SNTG1: variants seen among roughly 807,000 people sequenced by gnomAD.
The protein encoded by SNTG1 is gamma-1-syntrophin.
A neutral mutation model predicts 74.7 loss-of-function variants in SNTG1; 39 were observed. That is an observed-to-expected ratio of 0.52 (90% CI 0.40 to 0.68). The LOEUF (loss-of-function observed/expected upper bound fraction) is 0.68. SNTG1 is among the 30% of genes least tolerant of loss of function. The pLI, the probability that SNTG1 is intolerant of heterozygous loss-of-function variation, is 0.00. For synonymous variants in SNTG1, 254 were observed against 217.1 expected (o/e 1.17, Z -1.49); for missense variants, 685 against 609.5 (o/e 1.12, Z -1.30).
intron 1 of SNTG1, among the ~76,000 whole-genome samples, chr8:50,129,324 T>C (rs1330699008): frequency 1.3e-5 from 2 of 152,136 alleles, no homozygotes; most frequent in East Asian, 1.9e-4. Flanking sequence ...CAAGGCTTCA[T>C]AGCATCCAGA....
intron 13 of SNTG1, among the ~76,000 whole-genome samples, chr8:50,637,568 C>G (rs1371285360): frequency 6.6e-6 from 1 of 152,054 alleles, no homozygotes; most frequent in African/African-American, 2.4e-5. Flanking sequence ...AAATCTTCTT[C>G]CACTACAGTA....
intron 17 of SNTG1, among the ~76,000 whole-genome samples, chr8:50,728,693 T>C (rs550339999): frequency 1.3e-5 from 2 of 152,184 alleles, no homozygotes; most frequent in South Asian, 2.1e-4. Flanking sequence ...CATTTGTTAA[T>C]GCATTCTTTA....
At chr8:50,652,978 C>T (rs1385183001) in intron 13 of SNTG1, among the ~76,000 whole-genome samples, 1 of 151,808 alleles carries the variant, frequency 6.6e-6, no homozygotes, top group Non-Finnish European at 1.5e-5. Context: ...ACCAGTATTG[C>T]TAAATCAATT....
chr8:50,392,864 A>G (rs2092680600), intron 2 of SNTG1, among the ~76,000 whole-genome samples: 1 of 152,108 alleles, frequency 6.6e-6, no homozygotes, highest in African/African-American at 2.4e-5. Context: ...AGCATATGAA[A>G]CAAATATGAG....
chr8:50,173,045 C>G (rs557366560), intron 2 of SNTG1, among the ~76,000 whole-genome samples: 2 of 148,200 alleles, frequency 1.3e-5, no homozygotes, highest in East Asian at 3.9e-4. Flanking sequence ...CAGTGAGCTG[C>G]GATTTTCTGA....
At chr8:50,048,083 A>AT (rs1039443443) in intron 1 of SNTG1, among the ~76,000 whole-genome samples, 3 of 152,156 alleles carry the variant, frequency 2.0e-5, no homozygotes, top group Admixed American at 6.6e-5. Flanking sequence ...TTGTAAATAC[A>AT]TTTTTTGTGT....
At chr8:50,351,632 A>T (rs1034577891) in intron 2 of SNTG1, among the ~76,000 whole-genome samples, 3 of 152,228 alleles carry the variant, frequency 2.0e-5, no homozygotes, top group African/African-American at 7.2e-5. Flanking sequence ...ACTGAAGAGA[A>T]AATAGTAAAA....
At chr8:50,300,654 A>G (rs1015413955) in intron 2 of SNTG1, among the ~76,000 whole-genome samples, 1 of 152,138 alleles carries the variant, frequency 6.6e-6, no homozygotes, top group Non-Finnish European at 1.5e-5. Flanking sequence ...AAATTCTGAT[A>G]TAATTTTTAT....
intron 1 of SNTG1, among the ~76,000 whole-genome samples, chr8:50,158,315 C>T (rs1226430158): frequency 1.3e-5 from 2 of 152,064 alleles, no homozygotes; most frequent in East Asian, 3.9e-4. Context: ...TAGCCTGTCT[C>T]TTAGGAAATA....
intron 17 of SNTG1, among the ~76,000 whole-genome samples, chr8:50,710,683 T>C (rs2095459018): frequency 6.6e-6 from 1 of 152,210 alleles, no homozygotes; most frequent in African/African-American, 2.4e-5. Context: ...TGGCTCTGTA[T>C]AATAAGGGAG....
intron 8 of SNTG1, among the ~76,000 whole-genome samples, chr8:50,492,903 T>G (rs2093870816): frequency 6.6e-6 from 1 of 152,162 alleles, no homozygotes; most frequent in South Asian, 2.1e-4. Context: ...TTCAGTTAAT[T>G]TTTGTATAAG....
At chr8:50,009,870 A>G (rs72639832) in intron 1 of SNTG1, among the ~76,000 whole-genome samples, 81 of 152,198 alleles carry the variant, frequency 5.3e-4, no homozygotes, top group African/African-American at 1.9e-3. Flanking sequence ...ACGGTGATGC[A>G]TGCCTGTAGC....
chr8:50,162,559 C>CAAA (rs34746562), intron 1 of SNTG1, among the ~76,000 whole-genome samples: 1 of 83,954 alleles, frequency 1.2e-5, no homozygotes, highest in Non-Finnish European at 2.3e-5. Context: ...GACTCTGTCT[C>CAAA]AAAAAAAAAA....
intron 1 of SNTG1, among the ~76,000 whole-genome samples, chr8:50,047,346 T>A (rs13256811): frequency 0.17 from 25,844 of 151,474 alleles, 2,484 homozygotes; most frequent in Middle Eastern, 0.27. Context: ...AAAAAAAAAA[T>A]TTTTAGTTCA....
At chr8:50,651,374 C>T (rs2095144779) in intron 13 of SNTG1, among the ~76,000 whole-genome samples, 1 of 151,998 alleles carries the variant, frequency 6.6e-6, no homozygotes. Context: ...TATAAAAGCC[C>T]AAGGTTAGCC....
chr8:50,409,286 C>T (rs1186767452), intron 4 of SNTG1, among the ~76,000 whole-genome samples: 2 of 152,158 alleles, frequency 1.3e-5, no homozygotes, highest in Admixed American at 1.3e-4. Flanking sequence ...AGAGTTAAAA[C>T]TGAAATATCC....
At chr8:50,044,917 C>T (rs891642840) in intron 1 of SNTG1, among the ~76,000 whole-genome samples, 11 of 152,172 alleles carry the variant, frequency 7.2e-5, no homozygotes, top group East Asian at 1.9e-4. Context: ...ATGATATTTG[C>T]GAACCATTTA....
intron 2 of SNTG1, among the ~76,000 whole-genome samples, chr8:50,388,115 T>C (rs183880866): frequency 2.0e-5 from 3 of 152,320 alleles, no homozygotes; most frequent in Admixed American, 1.3e-4. Flanking sequence ...GGCTCATGGC[T>C]ATAGGAGATA....
intron 4 of SNTG1, among the ~76,000 whole-genome samples, chr8:50,433,885 T>C (rs2093271527): frequency 6.6e-6 from 1 of 152,056 alleles, no homozygotes; most frequent in Admixed American, 6.6e-5. Context: ...CATAGTAGAT[T>C]TTTATTTATT....
Sources: gnomAD v4.1 joint callset for allele counts (sites outside exome capture counted in the v4.1 genomes callset) on GRCh38, gnomAD v4.1.1 for gene constraint, MANE v1.5 for transcripts, NCBI Gene and HGNC (gene_info 2026-07-23, HGNC 2026-07-21) for gene names.